Variants in GABPB1 observed in about 807,000 individuals in gnomAD.
GABPB1 encodes GA-binding protein subunit beta-1.
A neutral mutation model predicts 45.9 loss-of-function variants in GABPB1; 15 were observed. The ratio of observed to expected loss-of-function variants is 0.33; its 90% CI spans 0.22 to 0.50. GABPB1 has a LOEUF of 0.50. Among genes scored for constraint, GABPB1 ranks in the 20% least tolerant of loss-of-function variants. GABPB1 has a pLI of 0.98. For missense variants in GABPB1, 252 were observed against 457.5 expected (o/e 0.55, Z 4.10); for synonymous variants, 143 against 154.4 (o/e 0.93, Z 0.55).
Position 50,304,660 on chromosome 15 carries a change from G to T in GABPB1, c.109-527C>A, listed in dbSNP as rs554946854. Among the ~76,000 whole-genome samples, 24 of 150,988 alleles carry T rather than the reference G, an allele frequency of 1.6e-4. 1 individual carries two copies. Among genetic ancestry groups the T allele is most frequent in the Admixed American group, 1.6e-3 (24 of 15,146 alleles). On this transcript the variant is annotated intron_variant, in intron 2 of 8. Transcript: ENST00000380877. ...CAGGAGGCAGAGGTTGCAGTGAGCC[G>T]AGATCGCGCCACTGCACTCCAGCCT...
At chr15:50,341,716 G>C (rs937766029) in intron 1 of GABPB1, among the ~76,000 whole-genome samples, 3 of 151,974 alleles carry the variant, frequency 2.0e-5, no homozygotes, top group African/African-American at 7.3e-5. Flanking sequence ...ATTTTATTTT[G>C]TACAACATAG....
At chr15:50,346,630 G>T (rs1234444601) in intron 1 of GABPB1, among the ~76,000 whole-genome samples, 2 of 134,382 alleles carry the variant, frequency 1.5e-5, no homozygotes, top group South Asian at 4.7e-4. Flanking sequence ...TCTCACTATG[G>T]TGCCAAGGCT....
chr15:50,335,773 G>A (rs1263470523), intron 1 of GABPB1, among the ~76,000 whole-genome samples: 1 of 151,462 alleles, frequency 6.6e-6, no homozygotes, highest in African/African-American at 2.4e-5. Flanking sequence ...GCATGCGCCT[G>A]TAATCCCAGC....
intron 2 of GABPB1, among the ~76,000 whole-genome samples, chr15:50,305,214 TA>T (rs1455732713): frequency 6.6e-6 from 1 of 152,226 alleles, no homozygotes; most frequent in African/African-American, 2.4e-5. Context: ...TTTACACATA[TA>T]AACAGTTTAT....
At chr15:50,327,100 G>T (rs532318368) in intron 1 of GABPB1, 1 of 152,114 alleles carries the variant, frequency 6.6e-6, no homozygotes, top group African/African-American at 2.4e-5. Context: ...GGCTTGAAAA[G>T]AGTGCAAGTA....
Position 50,277,337 on chromosome 15 carries a change from A to G in GABPB1, c.*1295T>C, listed in dbSNP as rs2045853047. On this transcript the variant is annotated 3_prime_UTR_variant, in exon 9 of 9. Transcript: ENST00000380877. ...AAGGGTAATTGCTTTTTTATACAGT[A>G]TAGATAACCTAGAGGGATTTCAGGG... The G allele has an allele frequency of 6.6e-6, 1 of 152,132 alleles. No homozygotes were observed. Among genetic ancestry groups the G allele is most frequent in the South Asian group, 2.1e-4 (1 of 4,830 alleles). 9.4% of individuals were successfully genotyped at this position (152,132 alleles called of 1,614,324 possible).
At chr15:50,345,497 G>A (rs2048532533) in intron 1 of GABPB1, among the ~76,000 whole-genome samples, 1 of 152,150 alleles carries the variant, frequency 6.6e-6, no homozygotes, top group Non-Finnish European at 1.5e-5. Flanking sequence ...AGCCTGGGGA[G>A]GTCAAGGCTG....
intron 8 of GABPB1, among the ~76,000 whole-genome samples, chr15:50,283,822 A>AT (rs2046074127): frequency 6.6e-6 from 1 of 152,220 alleles, no homozygotes; most frequent in Admixed American, 6.5e-5. Flanking sequence ...AACTCTTAGC[A>AT]CTTTCTTTAT....
chr15:50,281,170 G>C (rs2045957805), intron 8 of GABPB1, among the ~76,000 whole-genome samples: 1 of 152,176 alleles, frequency 6.6e-6, no homozygotes, highest in Non-Finnish European at 1.5e-5. Flanking sequence ...ACTGCATGCT[G>C]AATACATTTA....
In GABPB1 at chr15:50,283,735, C is replaced by G. The variant is rs542083375; in HGVS notation, c.999+2333G>C. On this transcript the variant is annotated intron_variant, in intron 8 of 8. Transcript: ENST00000380877. The stretch of plus-strand genomic sequence containing the variant: ...CCATGTTGGCCAGGCTGGTCTCGAA[C>G]TCCTGACCTCAGGTGATCCACCCAC... Among the ~76,000 whole-genome samples, 205 of 152,254 alleles carry G rather than the reference C, an allele frequency of 1.3e-3. 9 individuals carry two copies. The South Asian group carries it at 0.041, about 30-fold the overall frequency.
At chr15:50,298,091 T>C (rs2046587186) in intron 6 of GABPB1, among the ~76,000 whole-genome samples, 2 of 152,214 alleles carry the variant, frequency 1.3e-5, no homozygotes, top group East Asian at 1.9e-4. Flanking sequence ...TTTGTTTTCG[T>C]TTTTGTTTTT....
intron 1 of GABPB1, among the ~76,000 whole-genome samples, chr15:50,324,637 C>A (rs1194269439): frequency 1.3e-5 from 2 of 151,306 alleles, no homozygotes; most frequent in Non-Finnish European, 2.9e-5. Context: ...CTCCGCCTCC[C>A]GAGTTCAAGC....
intron 1 of GABPB1, among the ~76,000 whole-genome samples, chr15:50,321,306 C>T (rs778915336): frequency 6.6e-6 from 1 of 152,122 alleles, no homozygotes; most frequent in Non-Finnish European, 1.5e-5. Context: ...AGAATAACTG[C>T]TTCTCCATAA....
intron 8 of GABPB1, 91 bp downstream of exon 8, chr15:50,285,977 C>T: frequency 6.5e-7 from 1 of 1,540,900 alleles, no homozygotes; most frequent in Non-Finnish European, 8.7e-7. Context: ...TGTATCAAAA[C>T]AATACTGTCA....
intron 1 of GABPB1, among the ~76,000 whole-genome samples, chr15:50,310,233 C>T (rs1555510591): frequency 6.6e-6 from 1 of 152,182 alleles, no homozygotes; most frequent in Non-Finnish European, 1.5e-5. Context: ...GCTTGGACTA[C>T]AGGCATGCAC....
chr15:50,281,418 A>G (rs59514998), intron 8 of GABPB1, among the ~76,000 whole-genome samples: 32,971 of 152,042 alleles, frequency 0.22, 3,847 homozygotes, highest in Middle Eastern at 0.26. Context: ...TCACCATGTT[A>G]GCCAGGATGG....
At chr15:50,280,143 T>C (rs1265061138) in intron 8 of GABPB1, among the ~76,000 whole-genome samples, 2 of 152,108 alleles carry the variant, frequency 1.3e-5, no homozygotes, top group African/African-American at 4.8e-5. Context: ...ATCTTCCAAT[T>C]ACACAAAATG....
intron 1 of GABPB1, among the ~76,000 whole-genome samples, chr15:50,325,159 T>C (rs2047705478): frequency 6.6e-6 from 1 of 152,112 alleles, no homozygotes; most frequent in Non-Finnish European, 1.5e-5. Context: ...TTTGAGAGTG[T>C]CAGGATGAAA....
At position 50,277,102 on chromosome 15, in the gene GABPB1, A is replaced by G. The variant is rs562333395; in HGVS notation, c.*1530T>C. ...AACAAATATACTGGTAATTCCAGTGAAAGAGTTAACAAATTCTCAAGAGTT... is the reference window on the plus strand; with the variant it reads ...AACAAATATACTGGTAATTCCAGTGGAAGAGTTAACAAATTCTCAAGAGTT... On this transcript the variant is annotated 3_prime_UTR_variant, in exon 9 of 9. Coordinates refer to ENST00000380877, the MANE Select transcript of GABPB1 (RefSeq NM_016654.5). 1.3e-5 allele frequency: 2 copies of G among 152,326 alleles called. No individual in the cohort carries two copies. Among genetic ancestry groups the G allele is most frequent in the African/African-American group, 4.8e-5 (2 of 41,576 alleles). 9.4% of individuals were successfully genotyped at this position (152,326 alleles called of 1,614,324 possible).
Sources: allele counts gnomAD v4.1 joint callset (sites outside exome capture counted in the v4.1 genomes callset), GRCh38; gene constraint gnomAD v4.1.1; transcripts MANE v1.5; gene names NCBI Gene and HGNC (gene_info 2026-07-23, HGNC 2026-07-21).